The following RERE variants were observed in gnomAD, a reference collection of about 807,000 sequenced individuals.
RERE encodes arginine-glutamic acid dipeptide repeats, also known as arginine-glutamic acid dipeptide repeats protein.
A neutral mutation model predicts 146.1 loss-of-function variants in RERE; 40 were observed. The ratio of observed to expected loss-of-function variants is 0.27; its 90% CI spans 0.21 to 0.36. The LOEUF is 0.36. RERE is among the 10% of genes least tolerant of loss of function. The probability of loss-of-function intolerance (pLI) is 1.00; values close to 1 mark genes in which losing one functional copy is unlikely to be tolerated. For synonymous variants in RERE, 1,003 were observed against 866.0 expected (o/e 1.16, Z -2.78); for missense variants, 1,933 against 2,138.7 (o/e 0.90, Z 1.90).
At chr1:8,697,381 A>AC (rs375674748) in intron 1 of RERE, among the ~76,000 whole-genome samples, 62 of 75,908 alleles carry the variant, frequency 8.2e-4, no homozygotes, top group East Asian at 1.3e-3. Flanking sequence ...CCCCAACCAC[A>AC]CCCCCCCCAC....
intron 11 of RERE, among the ~76,000 whole-genome samples, chr1:8,437,357 G>A (rs1644184444): frequency 6.6e-6 from 1 of 152,154 alleles, no homozygotes; most frequent in Non-Finnish European, 1.5e-5. Context: ...AGTCCAGGGT[G>A]GGGGTGGAGG....
At chr1:8,746,773 G>A (rs1000833230) in intron 1 of RERE, among the ~76,000 whole-genome samples, 1 of 150,648 alleles carries the variant, frequency 6.6e-6, no homozygotes, top group African/African-American at 2.4e-5. Flanking sequence ...AGGCCTGTGT[G>A]GCTGGGGCAA....
chr1:8,678,845 A>C (rs1436773164), intron 1 of RERE, among the ~76,000 whole-genome samples: 1 of 152,272 alleles, frequency 6.6e-6, no homozygotes, highest in Non-Finnish European at 1.5e-5. Context: ...ATGTCTAGAC[A>C]TAAGAGAATG....
At chr1:8,385,489 G>A (rs1231903909) in intron 12 of RERE, among the ~76,000 whole-genome samples, 2 of 152,150 alleles carry the variant, frequency 1.3e-5, no homozygotes, top group African/African-American at 4.8e-5. Flanking sequence ...CTACCACGGA[G>A]TTTTAAATCC....
chr1:8,650,240 T>C (rs1647546594), intron 2 of RERE, among the ~76,000 whole-genome samples: 1 of 152,232 alleles, frequency 6.6e-6, no homozygotes, highest in Admixed American at 6.5e-5. Flanking sequence ...CACATGCTTC[T>C]AAACACTAAA....
At chr1:8,744,536 A>G (rs1640381403) in intron 1 of RERE, among the ~76,000 whole-genome samples, 1 of 152,242 alleles carries the variant, frequency 6.6e-6, no homozygotes, top group African/African-American at 2.4e-5. Context: ...ATTCTCAATC[A>G]GGTAATTTTG....
chr1:8,692,356 C>CTTT (rs1423400255), intron 1 of RERE, among the ~76,000 whole-genome samples: 2 of 118,252 alleles, frequency 1.7e-5, no homozygotes, highest in Non-Finnish European at 3.7e-5. Flanking sequence ...TTTTTTTTTT[C>CTTT]TTTTTTTTTG....
chr1:8,790,200 T>A (rs1293246967), intron 1 of RERE, among the ~76,000 whole-genome samples: 1 of 152,118 alleles, frequency 6.6e-6, no homozygotes, highest in Non-Finnish European at 1.5e-5. Context: ...AGATTAGGAC[T>A]AGACTTATGT....
intron 12 of RERE, among the ~76,000 whole-genome samples, chr1:8,376,628 T>C (rs1442188466): frequency 6.6e-6 from 1 of 152,210 alleles, no homozygotes; most frequent in Non-Finnish European, 1.5e-5. Flanking sequence ...TGGCCTACTT[T>C]TGGCTCTAGG....
At chr1:8,649,630 T>C (rs1217235470) in intron 2 of RERE, among the ~76,000 whole-genome samples, 1 of 150,332 alleles carries the variant, frequency 6.7e-6, no homozygotes, top group Non-Finnish European at 1.5e-5. Context: ...CTCTCGAAGA[T>C]GAGGCAGGAG....
intron 8 of RERE, among the ~76,000 whole-genome samples, chr1:8,502,336 T>G (rs1219263377): frequency 6.3e-5 from 6 of 94,974 alleles, no homozygotes; most frequent in South Asian, 4.2e-4. Flanking sequence ...GGGAGGGTGG[T>G]GGGGGGGTCA....
chr1:8,405,296 A>G (rs1643406479), intron 12 of RERE, among the ~76,000 whole-genome samples: 2 of 152,234 alleles, frequency 1.3e-5, no homozygotes, highest in Non-Finnish European at 2.9e-5. Flanking sequence ...GCCCCCAGAT[A>G]AGACAAAGTC....
intron 12 of RERE, among the ~76,000 whole-genome samples, chr1:8,369,527 A>AAAAAAAAAG: frequency 7.0e-6 from 1 of 143,348 alleles, no homozygotes; most frequent in African/African-American, 2.7e-5. Flanking sequence ...AAAAAAAAAA[A>AAAAAAAAAG]AAAAAAAAAA....
At chr1:8,736,762 G>C (rs1276893038) in intron 1 of RERE, among the ~76,000 whole-genome samples, 1 of 150,142 alleles carries the variant, frequency 6.7e-6, no homozygotes, top group Non-Finnish European at 1.5e-5. Flanking sequence ...TATTTTCTTG[G>C]GTCTCTCAAC....
At chr1:8,805,021 T>C (rs1387902357) in intron 1 of RERE, among the ~76,000 whole-genome samples, 1 of 143,948 alleles carries the variant, frequency 6.9e-6, no homozygotes, top group Non-Finnish European at 1.5e-5. Flanking sequence ...TTTTTTTTTT[T>C]TTTTTTTGAG....
At chr1:8,562,949 C>T (rs1646096715) in intron 4 of RERE, among the ~76,000 whole-genome samples, 1 of 152,046 alleles carries the variant, frequency 6.6e-6, no homozygotes, top group African/African-American at 2.4e-5. Context: ...GAATAACAGA[C>T]AATAGTCTGT....
chr1:8,375,659 C>T (rs1642216758), intron 12 of RERE, among the ~76,000 whole-genome samples: 1 of 141,946 alleles, frequency 7.0e-6, no homozygotes, highest in Non-Finnish European at 1.6e-5. Context: ...AATGCTTCCT[C>T]ACTCAGCAGC....
intron 1 of RERE, among the ~76,000 whole-genome samples, chr1:8,728,795 A>G (rs1325111406): frequency 1.3e-5 from 2 of 152,256 alleles, no homozygotes; most frequent in African/African-American, 2.4e-5. Flanking sequence ...TTTGGGGCAT[A>G]AAGTGAAGGT....
chr1:8,457,034 T>C (rs1644460679), intron 11 of RERE, among the ~76,000 whole-genome samples: 1 of 152,226 alleles, frequency 6.6e-6, no homozygotes, highest in Non-Finnish European at 1.5e-5. Flanking sequence ...TGTTCACTGC[T>C]GTATCACCTG....
Sources: gnomAD v4.1 joint callset for allele counts (sites outside exome capture counted in the v4.1 genomes callset) on GRCh38, gnomAD v4.1.1 for gene constraint, MANE v1.5 for transcripts, NCBI Gene and HGNC (gene_info 2026-07-23, HGNC 2026-07-21) for gene names.